Variants in EVC2 observed in about 807,000 individuals in gnomAD.
EVC2 encodes the protein limbin.
Under a neutral mutation model 149.3 loss-of-function variants are expected in EVC2, and 148 were observed. The ratio of observed to expected loss-of-function variants is 0.99; its 90% CI spans 0.87 to 1.14. EVC2 has a LOEUF of 1.14. EVC2 is among the 50% of genes most tolerant of loss of function. The probability of loss-of-function intolerance (pLI) is 0.00; values close to 1 mark genes in which losing one functional copy is unlikely to be tolerated. For missense variants in EVC2, 1,854 were observed against 1,627.3 expected, an observed-to-expected ratio of 1.14 and a Z score of -2.40; for synonymous variants, 776 against 649.9, an observed-to-expected ratio of 1.19 and a Z score of -2.95.
At chr4:5,630,737 C>T (rs1716472182) in intron 11 of EVC2, among the ~76,000 whole-genome samples, 1 of 152,144 alleles carries the variant, frequency 6.6e-6, no homozygotes, top group African/African-American at 2.4e-5. Context: ...CCTCCAGCAC[C>T]ATCCAAAGGT....
downstream of EVC2, among the ~76,000 whole-genome samples, chr4:5,541,670 T>C (rs1351097960): frequency 6.6e-6 from 1 of 152,154 alleles, no homozygotes; most frequent in Non-Finnish European, 1.5e-5. Flanking sequence ...AAACTCGGCA[T>C]CCCAGGCCTC....
intron 7 of EVC2, 102 bp downstream of exon 7, chr4:5,681,158 C>T (rs1344163131): frequency 7.4e-7 from 1 of 1,358,386 alleles, no homozygotes; most frequent in African/African-American, 1.4e-5. Flanking sequence ...AACTGGGGGA[C>T]CAAGGCCAGC....
At chr4:5,550,659 C>CA (rs900626925) in intron 21 of EVC2, among the ~76,000 whole-genome samples, 3 of 152,200 alleles carry the variant, frequency 2.0e-5, no homozygotes, top group African/African-American at 7.2e-5. Context: ...CAGAAATTTG[C>CA]ATAAGTAATG....
intron 16 of EVC2, among the ~76,000 whole-genome samples, chr4:5,595,442 C>T (rs1249757898): frequency 2.0e-5 from 3 of 152,166 alleles, no homozygotes; most frequent in Non-Finnish European, 4.4e-5. Flanking sequence ...GAATTTTCAA[C>T]CCAGAATTTC....
intron 16 of EVC2, among the ~76,000 whole-genome samples, chr4:5,586,980 T>A (rs1712340897): frequency 6.6e-6 from 1 of 152,056 alleles, no homozygotes; most frequent in South Asian, 2.1e-4. Context: ...TTACACACAT[T>A]ATGCTAATTT....
intron 20 of EVC2, among the ~76,000 whole-genome samples, chr4:5,565,864 C>A (rs1273068607): frequency 6.6e-6 from 1 of 152,142 alleles, no homozygotes; most frequent in Admixed American, 6.5e-5. Flanking sequence ...CTCAAGGGGC[C>A]AAGTCTATGG....
Position 5,679,665 on chromosome 4 carries a change from C to A in EVC2, c.870+1595G>T, listed in dbSNP as rs1022895591. ...TAAGTTCTGGGATACATATGCAGAA[C>A]GTGCAGGTTTGTTACATAGGTATAC... On this transcript the variant is annotated intron_variant, in intron 7 of 21. Transcript: ENST00000344408. The surrounding 1 kb of genome is among the most constrained non-coding windows in gnomAD (Gnocchi z 5.1). Among the ~76,000 whole-genome samples, 1 of 151,800 alleles carries A rather than the reference C, an allele frequency of 6.6e-6. No individual in the cohort carries two copies.
At chr4:5,593,961 C>A (rs975242629) in intron 16 of EVC2, among the ~76,000 whole-genome samples, 1 of 152,238 alleles carries the variant, frequency 6.6e-6, no homozygotes, top group African/African-American at 2.4e-5. Flanking sequence ...TGGAGTCTCG[C>A]TGATTGCTAG....
chr4:5,571,499 A>G (rs1722643343), intron 19 of EVC2, among the ~76,000 whole-genome samples: 1 of 152,116 alleles, frequency 6.6e-6, no homozygotes, highest in Non-Finnish European at 1.5e-5. Context: ...ACAGGGACAC[A>G]GCTCTCTAGG....
intron 11 of EVC2, among the ~76,000 whole-genome samples, chr4:5,629,889 A>G (rs1187493591): frequency 1.3e-5 from 2 of 152,230 alleles, no homozygotes; most frequent in Non-Finnish European, 2.9e-5. Context: ...ATACTCTCAT[A>G]GCTCTGGTCA....
At chr4:5,536,653 G>A in the EVC2 span, among the ~76,000 whole-genome samples, 790 of 152,006 alleles carry the variant, frequency 5.2e-3, 2 homozygotes, top group African/African-American at 8.2e-3. Context: ...GCATGGTGGC[G>A]GGCACCTGTA....
chr4:5,647,085 C>T (rs1287794925), intron 9 of EVC2, among the ~76,000 whole-genome samples: 2 of 152,154 alleles, frequency 1.3e-5, no homozygotes, highest in Non-Finnish European at 2.9e-5. Context: ...ATTGCATCTC[C>T]CTGCACCTGA....
chr4:5,545,190 CTCAT>C (rs773872357), intron 21 of EVC2, among the ~76,000 whole-genome samples: 2 of 152,218 alleles, frequency 1.3e-5, no homozygotes, highest in East Asian at 1.9e-4. Context: ...GAGACATTCG[CTCAT>C]TCATTCATTC....
In EVC2 at chr4:5,576,600, A is replaced by G. The variant is rs1722951275; in HGVS notation, c.3058-146T>C. On this transcript the variant is annotated intron_variant, in intron 17 of 21. Transcript: ENST00000344408. The surrounding 1 kb of genome is among the most constrained non-coding windows in gnomAD (Gnocchi z 4.5). The stretch of plus-strand genomic sequence containing the variant: ...CCATCCAGCTGTGCCACATGGTGCA[A>G]TGTGAGTGCACCACGATCTCTCACC... 12 of 1,408,874 alleles carry G rather than the reference A, an allele frequency of 8.5e-6. No homozygotes were observed. The highest frequency in any genetic ancestry group is 1.2e-5 in the Non-Finnish European group (12 of 1,036,260). 87.3% of individuals were successfully genotyped at this position (1,408,874 alleles called of 1,614,324 possible).
chr4:5,545,036 G>A (rs1311936363), intron 21 of EVC2, among the ~76,000 whole-genome samples: 3 of 152,164 alleles, frequency 2.0e-5, no homozygotes, highest in East Asian at 3.9e-4. Flanking sequence ...CGGCCCTCCA[G>A]GCTCAGGTGC....
chr4:5,675,901 G>A (rs574829346), intron 7 of EVC2, among the ~76,000 whole-genome samples: 9 of 152,308 alleles, frequency 5.9e-5, no homozygotes, highest in South Asian at 2.1e-4. Flanking sequence ...CCGAGATCGC[G>A]CCATTGCACT....
At chr4:5,573,475 G>A (rs1244905202) in intron 19 of EVC2, among the ~76,000 whole-genome samples, 2 of 152,184 alleles carry the variant, frequency 1.3e-5, no homozygotes, top group Non-Finnish European at 2.9e-5. Context: ...GCCACTGGAA[G>A]CCAGCAAAGA....
intron 7 of EVC2, among the ~76,000 whole-genome samples, chr4:5,680,253 C>T (rs374500255): frequency 6.6e-6 from 1 of 152,152 alleles, no homozygotes; most frequent in Admixed American, 6.5e-5. Flanking sequence ...ATAGTAAATA[C>T]GTAAACCAGC....
At chr4:5,650,331 G>T (rs1011373849) in intron 9 of EVC2, among the ~76,000 whole-genome samples, 5 of 151,892 alleles carry the variant, frequency 3.3e-5, no homozygotes, top group African/African-American at 1.2e-4. Context: ...TCCTTCCTGC[G>T]CTTCCCTCCT....
Sources: gnomAD v4.1 joint callset for allele counts (sites outside exome capture counted in the v4.1 genomes callset) on GRCh38, gnomAD v4.1.1 for gene constraint, Gnocchi (gnomAD v3.1) non-coding constraint, MANE v1.5 for transcripts, NCBI Gene and HGNC (gene_info 2026-07-23, HGNC 2026-07-21) for gene names.